Variants in PSMB2 observed in about 807,000 individuals in gnomAD.
The protein encoded by PSMB2 is proteasome subunit beta type-2.
PSMB2 carries 13 observed loss-of-function variants against 25.7 expected under a neutral mutation model. The observed-to-expected ratio is 0.51, with a 90% CI of 0.33 to 0.80. The LOEUF is 0.80. Ranked by LOEUF, PSMB2 falls within the 30% of genes least tolerant of loss-of-function variation. PSMB2 has a pLI of 0.02. For synonymous variants in PSMB2, 87 were observed against 96.2 expected, an observed-to-expected ratio of 0.90 and a Z score of 0.56; for missense variants, 202 against 259.0, an observed-to-expected ratio of 0.78 and a Z score of 1.51.
At chr1:35,610,715 C>T (rs2148564422) in intron 3 of PSMB2, among the ~76,000 whole-genome samples, 2 of 152,220 alleles carry the variant, frequency 1.3e-5, no homozygotes, top group South Asian at 2.1e-4. Context: ...AGGTTGGTCT[C>T]GAACTCCTGA....
At chr1:35,634,856 T>A (rs1437210293) in intron 2 of PSMB2, among the ~76,000 whole-genome samples, 1 of 151,666 alleles carries the variant, frequency 6.6e-6, no homozygotes, top group Admixed American at 6.6e-5. Context: ...GGCACAATCA[T>A]AACTCACTGC....
intron 3 of PSMB2, among the ~76,000 whole-genome samples, chr1:35,618,843 A>T (rs1650582939): frequency 6.6e-6 from 1 of 152,220 alleles, no homozygotes; most frequent in Admixed American, 6.5e-5. Flanking sequence ...CTTCACAAAC[A>T]AAAAGTTAAA....
At chr1:35,611,470 G>A (rs1395015643) in intron 3 of PSMB2, among the ~76,000 whole-genome samples, 3 of 152,040 alleles carry the variant, frequency 2.0e-5, no homozygotes, top group African/African-American at 7.2e-5. Context: ...AGCCTCCTGA[G>A]CAGCTACGAC....
intron 3 of PSMB2, among the ~76,000 whole-genome samples, chr1:35,622,592 C>T (rs76337914): frequency 0.02 from 3,077 of 152,102 alleles, 90 homozygotes; most frequent in East Asian, 0.061. Flanking sequence ...TATGGGGCTG[C>T]AAAATTCCAG....
chr1:35,639,408 T>C (rs1373418978), intron 1 of PSMB2, among the ~76,000 whole-genome samples: 2 of 152,246 alleles, frequency 1.3e-5, no homozygotes, highest in Non-Finnish European at 2.9e-5. Flanking sequence ...CAAATTCATC[T>C]TTCTCCCATA....
At chr1:35,623,608 A>G (rs1225496154) in intron 3 of PSMB2, among the ~76,000 whole-genome samples, 1 of 152,182 alleles carries the variant, frequency 6.6e-6, no homozygotes, top group African/African-American at 2.4e-5. Context: ...TTGTCTCCGG[A>G]AAATAAACAC....
chr1:35,636,423 T>C lies in PSMB2; in HGVS notation c.101A>G (p.Lys34Arg). The change falls in exon 2 of 6, where the codon AAG becomes AGG. Residue 34 changes from lysine to arginine, a missense_variant. Transcript: ENST00000373237. ...NIVQMKDDHD[K>R]MFKMSEKILL... Reference sequence around the variant, plus strand: ...TATCTTTTCACTCATCTTAAACATCTTGTCATGATCTGCTCAAAGAAGAAA... The same window carrying C: ...TATCTTTTCACTCATCTTAAACATCCTGTCATGATCTGCTCAAAGAAGAAA... 4 of 1,613,994 alleles carry C rather than the reference T, an allele frequency of 2.5e-6. No homozygotes were observed. Among genetic ancestry groups the C allele is most frequent in the South Asian group, 1.1e-5 (1 of 91,068 alleles).
chr1:35,632,542 C>G (rs1211308816), intron 2 of PSMB2, among the ~76,000 whole-genome samples: 1 of 152,170 alleles, frequency 6.6e-6, no homozygotes, highest in Admixed American at 6.5e-5. Context: ...TGAGTGTTTT[C>G]ACATGTATTA....
chr1:35,609,094 A>G, intron 4 of PSMB2, 152 bp downstream of exon 4: 1 of 678,818 alleles, frequency 1.5e-6, no homozygotes, highest in Non-Finnish European at 2.2e-6. Flanking sequence ...TGACTGACAG[A>G]AGAGTGCAGC....
intron 1 of PSMB2, among the ~76,000 whole-genome samples, chr1:35,639,926 G>A (rs981005692): frequency 6.6e-6 from 1 of 152,064 alleles, no homozygotes; most frequent in African/African-American, 2.4e-5. Context: ...TTTGAGATAG[G>A]TGCTATTACA....
chr1:35,600,500 A>C lies in PSMB2; in HGVS notation c.*2767T>G. ...TTCTGTAAAACCAAATTTATTCCAA[A>C]ATAAAACATTTATTAAAAATAAATG... On this transcript the variant is annotated 3_prime_UTR_variant, in exon 6 of 6. Transcript: ENST00000373237. 2.0e-6 allele frequency: 2 copies of C among 980,390 alleles called. No individual in the cohort carries two copies. Among genetic ancestry groups the C allele is most frequent in the Non-Finnish European group, 2.4e-6 (2 of 825,338 alleles). The allele number at this position is 980,390 out of a possible 1,614,324, so 60.7% of individuals were successfully genotyped here. A position where few individuals can be genotyped will look rare whatever the true frequency, so the allele number is the denominator to read the frequency against.
chr1:35,611,711 C>G (rs1004357215), intron 3 of PSMB2, among the ~76,000 whole-genome samples: 14 of 152,090 alleles, frequency 9.2e-5, no homozygotes. Context: ...ATAATCCCAG[C>G]TACTTGGGAG....
intron 2 of PSMB2, among the ~76,000 whole-genome samples, chr1:35,632,473 T>G (rs1056101039): frequency 4.6e-5 from 7 of 152,194 alleles, no homozygotes; most frequent in African/African-American, 1.7e-4. Context: ...TTAGGAGAGA[T>G]TCAGATTCAA....
chr1:35,636,520 A>C, intron 1 of PSMB2, 88 bp from the exon 2 acceptor site: 1 of 1,445,402 alleles, frequency 6.9e-7, no homozygotes, highest in Non-Finnish European at 9.3e-7. Context: ...TTTATTAATT[A>C]CTACAGTTGG....
intron 3 of PSMB2, among the ~76,000 whole-genome samples, chr1:35,613,436 T>C (rs900920584): frequency 6.6e-6 from 1 of 151,808 alleles, no homozygotes; most frequent in Non-Finnish European, 1.5e-5. Context: ...AGGAGGATCC[T>C]TAAGCCCCGG....
chr1:35,639,053 A>C (rs1000170686), intron 1 of PSMB2, among the ~76,000 whole-genome samples: 2 of 152,162 alleles, frequency 1.3e-5, no homozygotes, highest in African/African-American at 4.8e-5. Flanking sequence ...CAGGAGTTTG[A>C]GACCAGCCTG....
chr1:35,612,278 A>G (rs1398403804), intron 3 of PSMB2, among the ~76,000 whole-genome samples: 2 of 149,284 alleles, frequency 1.3e-5, no homozygotes, highest in African/African-American at 2.5e-5. Flanking sequence ...CTTAACCCCT[A>G]TGAGCTTCTG....
intron 3 of PSMB2, among the ~76,000 whole-genome samples, chr1:35,629,962 A>G (rs1445304228): frequency 6.6e-6 from 1 of 152,212 alleles, no homozygotes. Context: ...TGAGATCAGG[A>G]GTTCGAGACC....
chr1:35,603,850 G>C (rs1431631008), intron 5 of PSMB2, among the ~76,000 whole-genome samples: 2 of 152,042 alleles, frequency 1.3e-5, no homozygotes, highest in Admixed American at 1.3e-4. Flanking sequence ...GACCAGCCTA[G>C]GTAACATAGC....
Sources: allele counts gnomAD v4.1 joint callset (sites outside exome capture counted in the v4.1 genomes callset), GRCh38; gene constraint gnomAD v4.1.1; transcripts MANE v1.5; gene names NCBI Gene and HGNC (gene_info 2026-07-23, HGNC 2026-07-21).